NFKB1: variants seen among roughly 807,000 people sequenced by gnomAD.
NFKB1 encodes nuclear factor NF-kappa-B p105 subunit.
In NFKB1, 9 loss-of-function variants were observed where a neutral mutation model predicts 105.1. The ratio of observed to expected loss-of-function variants is 0.09; its 90% CI spans 0.05 to 0.15. The LOEUF (loss-of-function observed/expected upper bound fraction) is 0.15. Ranked by LOEUF, NFKB1 falls within the 10% of genes least tolerant of loss-of-function variation. NFKB1 has a pLI of 1.00. For synonymous variants in NFKB1, 440 were observed against 442.2 expected (o/e 1.00, Z 0.06); for missense variants, 830 against 1,203.7 (o/e 0.69, Z 4.59).
chr4:102,536,593 T>G (rs145909879), intron 4 of NFKB1, among the ~76,000 whole-genome samples: 366 of 152,272 alleles, frequency 2.4e-3, no homozygotes, highest in African/African-American at 8.1e-3. Context: ...TGAAATGTAG[T>G]ATAGTCTAAG....
intron 21 of NFKB1, 122 bp downstream of exon 21, chr4:102,612,232 C>T: frequency 3.0e-6 from 3 of 1,002,804 alleles, no homozygotes; most frequent in Non-Finnish European, 4.5e-6. Context: ...CCAAAAGATG[C>T]TGGAGGTAGA....
chr4:102,572,173 T>C (rs1201645557), intron 6 of NFKB1, among the ~76,000 whole-genome samples: 1 of 152,212 alleles, frequency 6.6e-6, no homozygotes, highest in Non-Finnish European at 1.5e-5. Context: ...GATGAGCTCA[T>C]GTCCTTTGTA....
intron 7 of NFKB1, chr4:102,577,770 C>T (rs554252394): frequency 5.2e-6 from 5 of 966,160 alleles, no homozygotes; most frequent in Non-Finnish European, 6.2e-6. Context: ...GCCTGTGCTG[C>T]GAGGCTGTGG....
intron 5 of NFKB1, among the ~76,000 whole-genome samples, chr4:102,562,204 C>T (rs1723494349): frequency 6.6e-6 from 1 of 152,084 alleles, no homozygotes; most frequent in Admixed American, 6.6e-5. Flanking sequence ...CCTCACCCAC[C>T]CCCTTGCCTG....
chr4:102,593,404 T>C, intron 11 of NFKB1, 21 bp from the exon 12 acceptor site: 1 of 1,600,720 alleles, frequency 6.2e-7, no homozygotes, highest in African/African-American at 1.3e-5. Context: ...TCTCCTCTGG[T>C]TTCTCTTCCT....
chr4:102,512,054 G>C (rs1298690449), intron 1 of NFKB1, among the ~76,000 whole-genome samples: 1 of 152,196 alleles, frequency 6.6e-6, no homozygotes, highest in Admixed American at 6.5e-5. Context: ...ACTCTGCTGT[G>C]TCAGTTGGGC....
intron 21 of NFKB1, 87 bp downstream of exon 21, chr4:102,612,197 A>G (rs998212749): frequency 1.6e-6 from 2 of 1,280,754 alleles, no homozygotes; most frequent in African/African-American, 3.0e-5. Context: ...TCCAGGGTCT[A>G]CTGTTAAAAG....
rs139909767 is a variant in NFKB1, at chr4:102,510,894, C to T, written c.-8+9106C>T. The T allele has an allele frequency of 1.8e-4, 226 of 1,278,112 alleles. 2 individuals are homozygous for T. The highest frequency in any genetic ancestry group is 8.7e-4 in the Middle Eastern group (4 of 4,616). The allele number at this position is 1,278,112 out of a possible 1,614,324, so 79.2% of individuals were successfully genotyped here. ...TTCCTTCCTAGAAGGAACACAACGT[C>T]CTACATCAAGAAAAAAGACAGAAGC... On this transcript the variant is annotated intron_variant, in intron 1 of 23. Coordinates refer to ENST00000226574, the MANE Select transcript of NFKB1 (RefSeq NM_003998.4).
intron 5 of NFKB1, among the ~76,000 whole-genome samples, chr4:102,564,782 T>G (rs1723722081): frequency 6.6e-6 from 1 of 152,248 alleles, no homozygotes; most frequent in South Asian, 2.1e-4. Flanking sequence ...GGTGTCCTAT[T>G]AAATTGGAAA....
chr4:102,585,444 G>A (rs1489291184), intron 11 of NFKB1, among the ~76,000 whole-genome samples: 1 of 152,188 alleles, frequency 6.6e-6, no homozygotes, highest in Non-Finnish European at 1.5e-5. Context: ...CTAACTCAGA[G>A]TTCAAGCAGC....
At chr4:102,606,736 A>C in intron 17 of NFKB1, 39 bp downstream of exon 17, 10 of 1,577,218 alleles carry the variant, frequency 6.3e-6, no homozygotes, top group Non-Finnish European at 7.8e-6. Context: ...AACTTTCTCC[A>C]CCTTCTAAAT....
intron 6 of NFKB1, among the ~76,000 whole-genome samples, chr4:102,576,599 A>G (rs950946069): frequency 7.2e-5 from 11 of 152,164 alleles, no homozygotes; most frequent in African/African-American, 1.9e-4. Context: ...GGTGAGTCCA[A>G]TTATATATTT....
At chr4:102,599,467 C>T (rs968109424) in intron 15 of NFKB1, among the ~76,000 whole-genome samples, 1 of 152,126 alleles carries the variant, frequency 6.6e-6, no homozygotes, top group Non-Finnish European at 1.5e-5. Context: ...TAGAGAAGAT[C>T]CAGCCTGTAC....
At chr4:102,568,250 T>C (rs1369148932) in intron 6 of NFKB1, among the ~76,000 whole-genome samples, 1 of 152,108 alleles carries the variant, frequency 6.6e-6, no homozygotes, top group Non-Finnish European at 1.5e-5. Flanking sequence ...GAGAGAGCTT[T>C]CTTTTAAGTC....
chr4:102,614,207 C>T (rs909315358), intron 23 of NFKB1, among the ~76,000 whole-genome samples: 1 of 152,176 alleles, frequency 6.6e-6, no homozygotes, highest in South Asian at 2.1e-4. Context: ...AAGTGCCAGC[C>T]CACCTGTGCC....
intron 9 of NFKB1, among the ~76,000 whole-genome samples, chr4:102,581,714 C>T (rs1725332315): frequency 6.6e-6 from 1 of 152,192 alleles, no homozygotes; most frequent in Admixed American, 6.5e-5. Flanking sequence ...CCAATCCACT[C>T]TGTCCAAGTA....
intron 5 of NFKB1, among the ~76,000 whole-genome samples, chr4:102,561,203 CTG>C (rs1259848991): frequency 6.6e-6 from 1 of 151,754 alleles, no homozygotes; most frequent in African/African-American, 2.4e-5. Flanking sequence ...TAAAGCCTGA[CTG>C]TTTTTCATCC....
intron 6 of NFKB1, among the ~76,000 whole-genome samples, chr4:102,573,190 C>T (rs113739545): frequency 6.6e-6 from 1 of 152,064 alleles, no homozygotes; most frequent in Non-Finnish European, 1.5e-5. Flanking sequence ...TGCCTGTAAT[C>T]CCAGCTACTC....
Position 102,552,924 on chromosome 4 carries a change from T to G in NFKB1, c.259-14063T>G, listed in dbSNP as rs115204689. ...ATTTTGGTTAACCTCAGTCTGACAC[T>G]TAGATTGTGTTCTCTTTTGCCCTAT... is the stretch of plus-strand genomic sequence containing the variant. On this transcript the variant is annotated intron_variant, in intron 5 of 23. Coordinates refer to ENST00000226574, the MANE Select transcript of NFKB1 (RefSeq NM_003998.4). 4.7e-3 allele frequency among the ~76,000 whole-genome samples: 714 copies of G among 152,276 alleles called. 5 individuals carry two copies. The highest frequency in any genetic ancestry group is 0.017 in the African/African-American group (696 of 41,566).
Sources: allele counts gnomAD v4.1 joint callset (sites outside exome capture counted in the v4.1 genomes callset), GRCh38; gene constraint gnomAD v4.1.1; transcripts MANE v1.5; gene names NCBI Gene and HGNC (gene_info 2026-07-23, HGNC 2026-07-21).